Variants in MRPL47 observed in about 807,000 individuals in gnomAD.
The protein encoded by MRPL47 is mitochondrial ribosomal protein L47, also known as large ribosomal subunit protein uL29m.
A neutral mutation model predicts 34.0 loss-of-function variants in MRPL47; 31 were observed. That is an observed-to-expected ratio of 0.91 (90% CI 0.68 to 1.23). MRPL47 has a LOEUF of 1.23. MRPL47 is among the 50% of genes most tolerant of loss of function. The probability of loss-of-function intolerance (pLI) is 0.00; values close to 1 mark genes in which losing one functional copy is unlikely to be tolerated. For synonymous variants in MRPL47, 106 were observed against 101.6 expected (o/e 1.04, Z -0.26); for missense variants, 328 against 285.8 (o/e 1.15, Z -1.07).
At chr3:179,602,841 T>A in intron 1 of MRPL47, 44 bp from the exon 2 acceptor site, 1 of 1,438,300 alleles carries the variant, frequency 7.0e-7, no homozygotes, top group Non-Finnish European at 9.5e-7. Flanking sequence ...TTATAATATC[T>A]GGATTTTATA....
chr3:179,604,518 A>C lies in MRPL47; in HGVS notation c.98+9T>G, dbSNP rs1560021799. On this transcript the variant is annotated intron_variant, in intron 1 of 6. Coordinates refer to ENST00000476781, the MANE Select transcript of MRPL47 (RefSeq NM_020409.3). The stretch of plus-strand genomic sequence containing the variant: ...AGAGGTGGGCAAACCTACTTTATAC[A>C]TCACTTACCCTGTGCAGGCAGGGAC... 1 of 1,611,722 alleles carries C rather than the reference A, an allele frequency of 6.2e-7. No individual in the cohort carries two copies. The highest frequency in any genetic ancestry group is 1.3e-5 in the African/African-American group (1 of 74,794).
chr3:179,592,627 A>C lies in MRPL47; in HGVS notation c.629+17T>G. 1 of 1,471,850 alleles carries C rather than the reference A, an allele frequency of 6.8e-7. No homozygotes were observed. Among genetic ancestry groups the C allele is most frequent in the Non-Finnish European group, 9.5e-7 (1 of 1,051,406 alleles). The allele number at this position is 1,471,850 out of a possible 1,614,324, so 91.2% of individuals were successfully genotyped here. A position where few individuals can be genotyped will look rare whatever the true frequency, so the allele number is the denominator to read the frequency against. On this transcript the variant is annotated intron_variant, in intron 6 of 6. Transcript: ENST00000476781. Reference sequence around the variant, plus strand: ...GGTATAAAGATAATATGTTTTATTAAAGGTGCTTGTGCTCACCTGAGAAAA... The same window carrying C: ...GGTATAAAGATAATATGTTTTATTACAGGTGCTTGTGCTCACCTGAGAAAA...
intron 6 of MRPL47, among the ~76,000 whole-genome samples, chr3:179,591,608 GGAC>G (rs1377957254): frequency 6.6e-6 from 1 of 152,138 alleles, no homozygotes; most frequent in Non-Finnish European, 1.5e-5. Flanking sequence ...ACATTCTGCA[GGAC>G]AACATGAGTT....
rs558999515 is a variant in MRPL47, at chr3:179,589,934, T to C, written c.630-939A>G. 2.6e-5 allele frequency among the ~76,000 whole-genome samples: 4 copies of C among 152,332 alleles called. No individual in the cohort carries two copies. The South Asian group carries it at 8.3e-4, about 32-fold the overall frequency. ...GCTATTCTTAATATTAAGATGATGA[T>C]GCTACATTCTGAAGGTGAGGCTTAA... is the stretch of plus-strand genomic sequence containing the variant. On this transcript the variant is annotated intron_variant, in intron 6 of 6. Coordinates refer to ENST00000476781, the MANE Select transcript of MRPL47 (RefSeq NM_020409.3).
In MRPL47 at chr3:179,589,695, A is replaced by G. The variant is rs141312183; in HGVS notation, c.630-700T>C. ...TGAGGTTTTGGGGGGAAAAAAGACA[A>G]TACAATATGCCAGTGCTATGGGAGA... On this transcript the variant is annotated intron_variant, in intron 6 of 6. Coordinates refer to ENST00000476781, the MANE Select transcript of MRPL47 (RefSeq NM_020409.3). Among the ~76,000 whole-genome samples, 667 of 151,792 alleles carry G rather than the reference A, an allele frequency of 4.4e-3. 4 individuals carry two copies. Among genetic ancestry groups the G allele is most frequent in the African/African-American group, 0.015 (639 of 41,512 alleles).
At chr3:179,593,458 C>A (rs1718719821) in intron 5 of MRPL47, among the ~76,000 whole-genome samples, 1 of 152,126 alleles carries the variant, frequency 6.6e-6, no homozygotes, top group South Asian at 2.1e-4. Context: ...AGGAAACGAT[C>A]CCTAACTTTC....
chr3:179,592,371 T>C (rs1484155849), intron 6 of MRPL47, among the ~76,000 whole-genome samples: 1 of 152,012 alleles, frequency 6.6e-6, no homozygotes, highest in Non-Finnish European at 1.5e-5. Flanking sequence ...ATTTTTTGTA[T>C]ATTTAGTAGA....
At chr3:179,604,264 T>C (rs1369024380) in intron 1 of MRPL47, among the ~76,000 whole-genome samples, 3 of 152,220 alleles carry the variant, frequency 2.0e-5, no homozygotes, top group African/African-American at 7.2e-5. Context: ...CTTATAGATG[T>C]ATTTACTTCA....
Position 179,602,786 on chromosome 3 carries a change from C to A in MRPL47, c.110G>T (p.Ser37Ile), listed in dbSNP as rs1213369584. The A allele has an allele frequency of 6.2e-7, 1 of 1,600,742 alleles. No individual in the cohort carries two copies. The highest frequency in any genetic ancestry group is 8.5e-7 in the Non-Finnish European group (1 of 1,176,684). ...QVPACTGFFL[S>I]LLPKSTPNVT... ...ATTTGGTGTACTCTTAGGCAACAAA[C>A]TAAGAAAAAACCTGCAATTGAACAC... The change falls in exon 2 of 7, where the codon AGT becomes ATT. Residue 37 changes from serine (S) to isoleucine (I), a missense_variant. Ser to Ile is a moderately radical substitution (Grantham distance 142). Transcript: ENST00000476781.
At chr3:179,595,303 C>G (rs1440760886) in intron 4 of MRPL47, among the ~76,000 whole-genome samples, 1 of 152,186 alleles carries the variant, frequency 6.6e-6, no homozygotes, top group East Asian at 1.9e-4. Context: ...TTTGCCTTGG[C>G]CTCCCAAAGT....
chr3:179,593,918 C>T (rs1293158829), intron 4 of MRPL47, 23 bp from the exon 5 acceptor site: 1 of 1,595,934 alleles, frequency 6.3e-7, no homozygotes, highest in Non-Finnish European at 8.5e-7. Context: ...TAGAAAGATA[C>T]AATTTCAACA....
At chr3:179,598,548 C>A in intron 4 of MRPL47, 127 bp downstream of exon 4, 1 of 645,044 alleles carries the variant, frequency 1.6e-6, no homozygotes, top group Non-Finnish European at 2.8e-6. Context: ...GGTTGCACTA[C>A]TCAAATTTAC....
At position 179,592,862 on chromosome 3, in the gene MRPL47, T is replaced by G. The variant is rs1560018046; in HGVS notation, c.534-123A>C. On this transcript the variant is annotated intron_variant, in intron 5 of 6. Transcript: ENST00000476781. ...AGTAGAAAATAAAACATAAACATTTTTAGTGAGATGCTTTGGCAATTTCTC... is the reference window on the plus strand; with the variant it reads ...AGTAGAAAATAAAACATAAACATTTGTAGTGAGATGCTTTGGCAATTTCTC... 1.9e-5 allele frequency: 12 copies of G among 640,490 alleles called. No homozygotes were observed. In the South Asian group the frequency reaches 2.4e-4, roughly 13 times the overall value. The allele number at this position is 640,490 out of a possible 1,614,324, so 39.7% of individuals were successfully genotyped here. A position where few individuals can be genotyped will look rare whatever the true frequency, so the allele number is the denominator to read the frequency against.
chr3:179,590,149 G>A (rs1718638193), intron 6 of MRPL47, among the ~76,000 whole-genome samples: 1 of 152,080 alleles, frequency 6.6e-6, no homozygotes, highest in Non-Finnish European at 1.5e-5. Context: ...GACCATCCTG[G>A]CCAACATGGT....
At position 179,598,757 on chromosome 3, in the gene MRPL47, T is replaced by C. The variant is rs1718854424; in HGVS notation, c.320A>G (p.Lys107Arg). 1 of 1,608,584 alleles carries C rather than the reference T, an allele frequency of 6.2e-7. No homozygotes were observed. The highest frequency in any genetic ancestry group is 8.5e-7 in the Non-Finnish European group (1 of 1,175,370). ...DLHKLWYVLL[K>R]ERNMLLTLEQ... ...TAGGGTTAGAAGCATGTTTCTTTCT[T>C]TCAGTAAGACATACCTATACAAAAG... The change falls in exon 4 of 7, where the codon AAA (lysine) becomes AGA (arginine). Residue 107 changes from lysine (K) to arginine (R), a missense_variant. Lys to Arg is a conservative substitution (Grantham distance 26). Transcript: ENST00000476781.
chr3:179,600,193 C>T (rs1718894478), intron 3 of MRPL47, among the ~76,000 whole-genome samples: 1 of 151,972 alleles, frequency 6.6e-6, no homozygotes, highest in African/African-American at 2.4e-5. Context: ...TTGAAATAGC[C>T]TTAACTATCC....
chr3:179,595,220 A>AT (rs1718766740), intron 4 of MRPL47, among the ~76,000 whole-genome samples: 1 of 151,782 alleles, frequency 6.6e-6, no homozygotes, highest in Admixed American at 6.6e-5. Flanking sequence ...TAATTTTTGT[A>AT]TTTTTTTGGT....
chr3:179,592,540 A>C (rs1468434620), intron 6 of MRPL47, 104 bp downstream of exon 6: 5 of 696,904 alleles, frequency 7.2e-6, no homozygotes, highest in Non-Finnish European at 1.2e-5. Flanking sequence ...AGAAATTAAA[A>C]TTTAAAGACA....
chr3:179,588,471 A>G lies in MRPL47; in HGVS notation c.*401T>C, dbSNP rs538534709. 28 of 174,466 alleles carry G rather than the reference A, an allele frequency of 1.6e-4. No individual in the cohort carries two copies. Among genetic ancestry groups the G allele is most frequent in the African/African-American group, 5.9e-4 (25 of 42,052 alleles). The allele number at this position is 174,466 out of a possible 1,614,324, so 10.8% of individuals were successfully genotyped here. On this transcript the variant is annotated 3_prime_UTR_variant, in exon 7 of 7. Coordinates refer to ENST00000476781, the MANE Select transcript of MRPL47 (RefSeq NM_020409.3). ...CTAAATGTATTTCTCATTATTTTGA[A>G]TCAAAGTCCTCCGTTTATTAACAGC... is the stretch of plus-strand genomic sequence containing the variant.
Sources: gnomAD v4.1 joint callset for allele counts (sites outside exome capture counted in the v4.1 genomes callset) on GRCh38, gnomAD v4.1.1 for gene constraint, MANE v1.5 for transcripts, NCBI Gene and HGNC (gene_info 2026-07-23, HGNC 2026-07-21) for gene names.